Variants in ADAMTS14 observed in about 807,000 individuals in gnomAD.
ADAMTS14 encodes ADAM metallopeptidase with thrombospondin type 1 motif 14, also known as A disintegrin and metalloproteinase with thrombospondin motifs 14.
In ADAMTS14, 100 loss-of-function variants were observed where a neutral mutation model predicts 128.6. The observed-to-expected ratio is 0.78, with a 90% confidence interval of 0.66 to 0.92. The LOEUF is 0.92. Ranked by LOEUF, ADAMTS14 falls within the 40% of genes least tolerant of loss-of-function variation. The pLI, the probability that ADAMTS14 is intolerant of heterozygous loss-of-function variation, is 0.00. For missense variants in ADAMTS14, 1,562 were observed against 1,658.6 expected (o/e 0.94, Z 1.01); for synonymous variants, 665 against 653.8 (o/e 1.02, Z -0.26).
At chr10:70,703,465 C>G (rs1160844178) in intron 3 of ADAMTS14, among the ~76,000 whole-genome samples, 2 of 152,190 alleles carry the variant, frequency 1.3e-5, no homozygotes, top group Non-Finnish European at 2.9e-5. Context: ...CAGTTGCTCT[C>G]CAAGTATCAC....
chr10:70,721,467 G>C (rs941148639), intron 4 of ADAMTS14, among the ~76,000 whole-genome samples: 1 of 151,192 alleles, frequency 6.6e-6, no homozygotes, highest in African/African-American at 2.4e-5. Flanking sequence ...CTCACTGCAA[G>C]CTCTGCCTCC....
intron 4 of ADAMTS14, among the ~76,000 whole-genome samples, chr10:70,726,516 T>C (rs1198002419): frequency 6.6e-6 from 1 of 152,206 alleles, no homozygotes; most frequent in Non-Finnish European, 1.5e-5. Context: ...TGAGTATGCG[T>C]GGGACACAGA....
chr10:70,708,385 C>T (rs545814041), intron 3 of ADAMTS14, among the ~76,000 whole-genome samples: 7 of 152,312 alleles, frequency 4.6e-5, no homozygotes, highest in African/African-American at 1.4e-4. Context: ...CTCATTGCTT[C>T]AAAGATTTAG....
In ADAMTS14 at chr10:70,729,334, T is replaced by A. The variant is rs751299515; in HGVS notation, c.911T>A (p.Ile304Lys). 1.2e-6 allele frequency: 2 copies of A among 1,613,996 alleles called. No individual in the cohort carries two copies. Among genetic ancestry groups the A allele is most frequent in the South Asian group, 2.2e-5 (2 of 91,074 alleles). The change falls in exon 5 of 22, where the codon ATA becomes AAA. Residue 304 changes from isoleucine to lysine, a missense_variant. Coordinates refer to ENST00000373207, the MANE Select transcript of ADAMTS14 (RefSeq NM_080722.4). ...IYHDESLGVH[I>K]NIALVRLIMV... ...CACGATGAGTCCCTGGGGGTTCATA[T>A]AAATATTGCCCTCGTCCGCTTGATC...
At chr10:70,754,087 G>T in intron 19 of ADAMTS14, 80 bp downstream of exon 19, 1 of 1,313,286 alleles carries the variant, frequency 7.6e-7, no homozygotes, top group Non-Finnish European at 1.0e-6. Context: ...CTGCAGGCAA[G>T]AGAGTTTCTG....
At chr10:70,681,997 C>T (rs1213860574) in intron 2 of ADAMTS14, among the ~76,000 whole-genome samples, 2 of 152,258 alleles carry the variant, frequency 1.3e-5, no homozygotes, top group Non-Finnish European at 2.9e-5. Context: ...GGCCTGCTCT[C>T]GCCTCACTTT....
At chr10:70,749,451 G>A (rs1024971466) in intron 15 of ADAMTS14, among the ~76,000 whole-genome samples, 2 of 152,176 alleles carry the variant, frequency 1.3e-5, no homozygotes, top group African/African-American at 2.4e-5. Context: ...ATTCTAGGGA[G>A]GGCAGAATCC....
intron 7 of ADAMTS14, among the ~76,000 whole-genome samples, chr10:70,732,573 A>G (rs1037841564): frequency 1.3e-5 from 2 of 152,202 alleles, no homozygotes; most frequent in African/African-American, 4.8e-5. Context: ...CATGAGTAGT[A>G]ATTTGGGCCT....
intron 4 of ADAMTS14, among the ~76,000 whole-genome samples, chr10:70,725,325 C>T (rs10999486): frequency 0.15 from 23,433 of 152,122 alleles, 2,176 homozygotes; most frequent in Non-Finnish European, 0.22. Context: ...ATGAAAAACT[C>T]CCCACTATTC....
intron 4 of ADAMTS14, among the ~76,000 whole-genome samples, chr10:70,719,616 CAGACTGGTCTT>C (rs1447005688): frequency 6.6e-6 from 1 of 152,074 alleles, no homozygotes; most frequent in East Asian, 1.9e-4. Flanking sequence ...CTACGTTGCT[CAGACTGGTCTT>C]GAATTCCTGA....
At chr10:70,759,949 C>T (rs955133939) in intron 21 of ADAMTS14, among the ~76,000 whole-genome samples, 1 of 152,182 alleles carries the variant, frequency 6.6e-6, no homozygotes, top group African/African-American at 2.4e-5. Context: ...GGGCTGAGGG[C>T]GAATGGCGAA....
At chr10:70,723,057 A>G (rs1841319169) in intron 4 of ADAMTS14, among the ~76,000 whole-genome samples, 1 of 152,218 alleles carries the variant, frequency 6.6e-6, no homozygotes, top group African/African-American at 2.4e-5. Flanking sequence ...AGCAACAGTG[A>G]TGAGTCAGGC....
At chr10:70,672,905 CG>C (rs1299957591) in intron 1 of ADAMTS14, 21 bp downstream of exon 1, 8 of 1,448,476 alleles carry the variant, frequency 5.5e-6, no homozygotes, top group East Asian at 5.8e-5. Context: ...GTTGGGCGCG[CG>C]GGGGCCCGTG....
intron 7 of ADAMTS14, 80 bp from the exon 8 acceptor site, chr10:70,733,805 C>T (rs1379540666): frequency 1.9e-5 from 29 of 1,537,866 alleles, no homozygotes; most frequent in Admixed American, 1.9e-5. Flanking sequence ...GGGTCTCCTG[C>T]TGCTGGCCTG....
intron 15 of ADAMTS14, 88 bp from the exon 16 acceptor site, chr10:70,749,734 A>C: frequency 4.1e-6 from 6 of 1,474,346 alleles, no homozygotes; most frequent in Non-Finnish European, 5.5e-6. Context: ...CAGAAGGCTC[A>C]CTGGGAAGGC....
intron 9 of ADAMTS14, 150 bp from the exon 10 acceptor site, chr10:70,736,530 A>AG: frequency 1.6e-6 from 1 of 610,626 alleles, no homozygotes; most frequent in Non-Finnish European, 2.7e-6. Flanking sequence ...GGAGTTGAGT[A>AG]AACTTGAAGC....
intron 3 of ADAMTS14, 107 bp from the exon 4 acceptor site, chr10:70,708,481 C>A (rs1457433504): frequency 2.1e-6 from 2 of 965,346 alleles, no homozygotes; most frequent in African/African-American, 3.3e-5. Context: ...CTTACAGAGG[C>A]AGGGAAAGGG....
At chr10:70,739,776 G>A (rs183722803) in intron 11 of ADAMTS14, among the ~76,000 whole-genome samples, 6 of 152,322 alleles carry the variant, frequency 3.9e-5, no homozygotes, top group Admixed American at 3.3e-4. Flanking sequence ...GTGTCCTCAG[G>A]AGTGGTCATT....
chr10:70,750,098 G>C, intron 16 of ADAMTS14, 113 bp downstream of exon 16: 2 of 1,365,046 alleles, frequency 1.5e-6, no homozygotes, highest in South Asian at 2.8e-5. Context: ...AGGAGCCTGG[G>C]CAAGGGCAAG....
Sources: allele counts gnomAD v4.1 joint callset (sites outside exome capture counted in the v4.1 genomes callset), GRCh38; gene constraint gnomAD v4.1.1; transcripts MANE v1.5; gene names NCBI Gene and HGNC (gene_info 2026-07-23, HGNC 2026-07-21).